Variants in PIAS1 observed in about 807,000 individuals in gnomAD.
The protein encoded by PIAS1 is protein inhibitor of activated STAT 1.
Under a neutral mutation model 71.3 loss-of-function variants are expected in PIAS1, and 6 were observed. The ratio of observed to expected loss-of-function variants is 0.08; its 90% CI spans 0.05 to 0.17. The LOEUF is 0.17. PIAS1 is among the 10% of genes least tolerant of loss of function. PIAS1 has a pLI of 1.00. For synonymous variants in PIAS1, 303 were observed against 292.9 expected (o/e 1.03, Z -0.35); for missense variants, 555 against 793.6 (o/e 0.70, Z 3.61).
At chr15:68,111,261 G>A (rs772158990) in intron 2 of PIAS1, among the ~76,000 whole-genome samples, 3 of 152,170 alleles carry the variant, frequency 2.0e-5, no homozygotes, top group Non-Finnish European at 4.4e-5. Context: ...TACTTCTGTG[G>A]TCAGAGGTAA....
At chr15:68,082,117 G>T (rs927073178) in intron 1 of PIAS1, among the ~76,000 whole-genome samples, 1 of 152,114 alleles carries the variant, frequency 6.6e-6, no homozygotes, top group Non-Finnish European at 1.5e-5. Flanking sequence ...CCAGCACTCT[G>T]TACTGAGCCA....
At chr15:68,094,633 T>G (rs2092358968) in intron 2 of PIAS1, among the ~76,000 whole-genome samples, 1 of 152,210 alleles carries the variant, frequency 6.6e-6, no homozygotes, top group East Asian at 1.9e-4. Context: ...ATCCAGTGCC[T>G]GGAGATCAGG....
intron 2 of PIAS1, among the ~76,000 whole-genome samples, chr15:68,101,288 C>T (rs1442279025): frequency 6.7e-6 from 1 of 149,910 alleles, no homozygotes; most frequent in African/African-American, 2.5e-5. Flanking sequence ...ATATCCTCTT[C>T]AGTGAAATAT....
Position 68,085,701 on chromosome 15 carries a change from A to G in PIAS1, c.25-605A>G, listed in dbSNP as rs191663218. Among the ~76,000 whole-genome samples, 937 of 152,274 alleles carry G rather than the reference A, an allele frequency of 6.2e-3. 8 individuals are homozygous for G. Among genetic ancestry groups the G allele is most frequent in the African/African-American group, 0.021 (892 of 41,536 alleles). On this transcript the variant is annotated intron_variant, in intron 1 of 13. Transcript: ENST00000249636. ...AATCAGGCAGGATAATACCTTGCGG[A>G]GTTGTAAAGATAATGACATTCCATG...
intron 12 of PIAS1, 67 bp downstream of exon 12, chr15:68,181,421 T>A (rs1485091535): frequency 8.9e-6 from 13 of 1,468,090 alleles, no homozygotes; most frequent in African/African-American, 1.4e-5. Context: ...ATAATTCTCT[T>A]CTAGGTGAAT....
Position 68,082,425 on chromosome 15 carries a change from C to T in PIAS1, c.25-3881C>T, listed in dbSNP as rs140763314. On this transcript the variant is annotated intron_variant, in intron 1 of 13. Transcript: ENST00000249636. ...GGCTACAGGAAAGAAAACTGATTTA[C>T]CTGATGTATTTGAATATATTGAGAA... Among the ~76,000 whole-genome samples, 512 of 152,132 alleles carry T rather than the reference C, an allele frequency of 3.4e-3. 3 individuals carry two copies. Among genetic ancestry groups the T allele is most frequent in the African/African-American group, 0.011 (455 of 41,520 alleles).
chr15:68,151,960 T>TTGTG (rs1205506383), intron 6 of PIAS1, among the ~76,000 whole-genome samples: 5 of 110,974 alleles, frequency 4.5e-5, no homozygotes, highest in African/African-American at 1.4e-4. Flanking sequence ...TTTTTTTTTT[T>TTGTG]GGGGGGGGAG....
At chr15:68,074,189 C>T (rs2092131685) in intron 1 of PIAS1, among the ~76,000 whole-genome samples, 1 of 152,034 alleles carries the variant, frequency 6.6e-6, no homozygotes, top group Non-Finnish European at 1.5e-5. Context: ...TTAGAGATAG[C>T]GTTTTGAAGT....
intron 1 of PIAS1, among the ~76,000 whole-genome samples, chr15:68,062,352 A>T (rs1315630298): frequency 6.6e-6 from 1 of 152,150 alleles, no homozygotes; most frequent in Non-Finnish European, 1.5e-5. Context: ...GGGGGAGGTG[A>T]CAGCTTTATT....
At chr15:68,184,615 T>C (rs541947321) in intron 13 of PIAS1, 1 of 151,972 alleles carries the variant, frequency 6.6e-6, no homozygotes, top group East Asian at 1.9e-4. Context: ...GAGTGGAGAG[T>C]CTGCAAATGC....
rs1040757308 is a variant in PIAS1 at position 68,151,129 on chromosome 15, A to G, written c.829-2461A>G. On this transcript the variant is annotated intron_variant, in intron 6 of 13. Transcript: ENST00000249636. Reference sequence around the variant, plus strand: ...TATTTGAAGGATTAGCAGGAACAATAAAATACTGTCTACCTAGAAAAGAAT... The same window carrying G: ...TATTTGAAGGATTAGCAGGAACAATGAAATACTGTCTACCTAGAAAAGAAT... Among the ~76,000 whole-genome samples the G allele has an allele frequency of 3.3e-5, 5 of 152,016 alleles. 1 individual carries two copies. Among genetic ancestry groups the G allele is most frequent in the Admixed American group, 3.3e-4 (5 of 15,254 alleles).
chr15:68,151,595 G>A (rs950372302), intron 6 of PIAS1, among the ~76,000 whole-genome samples: 4 of 151,602 alleles, frequency 2.6e-5, no homozygotes, highest in Admixed American at 1.3e-4. Flanking sequence ...TGAGGCAGGC[G>A]GATCACTTGA....
chr15:68,144,744 C>CT lies in PIAS1; in HGVS notation c.603-1066dup, dbSNP rs532556232. On this transcript the variant is annotated intron_variant, in intron 4 of 13. Transcript: ENST00000249636. ...ATCTTTGTAGATCAGTAAATCTTAA[C>CT]TTTTTTATGGATCCCTGATCCCTTT... Among the ~76,000 whole-genome samples the CT allele has an allele frequency of 6.2e-4, 94 of 152,212 alleles. 3 individuals carry two copies. The East Asian group carries it at 0.014, about 23-fold the overall frequency.
At chr15:68,102,265 C>T (rs1454345315) in intron 2 of PIAS1, among the ~76,000 whole-genome samples, 1 of 152,194 alleles carries the variant, frequency 6.6e-6, no homozygotes, top group South Asian at 2.1e-4. Flanking sequence ...CAATCATTGT[C>T]TGTACCTATG....
intron 1 of PIAS1, among the ~76,000 whole-genome samples, chr15:68,064,392 C>T (rs2091993879): frequency 6.6e-6 from 1 of 152,120 alleles, no homozygotes; most frequent in African/African-American, 2.4e-5. Flanking sequence ...GTTGAAGTTG[C>T]ATAGTGAAAT....
chr15:68,155,510 T>C (rs2092883054), intron 7 of PIAS1, among the ~76,000 whole-genome samples: 2 of 147,570 alleles, frequency 1.4e-5, no homozygotes, highest in African/African-American at 4.9e-5. Flanking sequence ...ATTAAAATTC[T>C]GTTTACAATA....
intron 6 of PIAS1, among the ~76,000 whole-genome samples, chr15:68,151,939 A>ATTTT (rs1201017658): frequency 0.11 from 7,206 of 67,724 alleles, 224 homozygotes; most frequent in African/African-American, 0.14. Context: ...AAATTTAGGA[A>ATTTT]TTTTTTTTTT....
intron 2 of PIAS1, among the ~76,000 whole-genome samples, chr15:68,137,334 G>A (rs11071982): frequency 0.99 from 151,355 of 152,312 alleles, 75,211 homozygotes; most frequent in Middle Eastern, 1. Flanking sequence ...AGAGAATACA[G>A]TAATTAAAAA....
chr15:68,144,764 C>T (rs8035890), intron 4 of PIAS1, among the ~76,000 whole-genome samples: 2 of 151,878 alleles, frequency 1.3e-5, no homozygotes, highest in Admixed American at 1.3e-4. Flanking sequence ...GATCCCTGAT[C>T]CCTTTGAGAA....
Sources: allele counts gnomAD v4.1 joint callset (sites outside exome capture counted in the v4.1 genomes callset), GRCh38; gene constraint gnomAD v4.1.1; transcripts MANE v1.5; gene names NCBI Gene and HGNC (gene_info 2026-07-23, HGNC 2026-07-21).